SIPA1L1: variants seen among roughly 807,000 people sequenced by gnomAD.
The protein encoded by SIPA1L1 is signal-induced proliferation-associated 1-like protein 1.
In SIPA1L1, 26 loss-of-function variants were observed where a neutral mutation model predicts 162.7. The observed-to-expected ratio is 0.16, with a 90% CI of 0.12 to 0.22. The LOEUF (loss-of-function observed/expected upper bound fraction) is 0.22. SIPA1L1 is among the 10% of genes least tolerant of loss of function. The probability of loss-of-function intolerance (pLI) is 1.00; values close to 1 mark genes in which losing one functional copy is unlikely to be tolerated. For missense variants in SIPA1L1, 1,874 were observed against 2,241.0 expected (o/e 0.84, Z 3.31); for synonymous variants, 829 against 837.4 (o/e 0.99, Z 0.17).
rs780560758 is a variant in SIPA1L1 at position 71,589,315 on chromosome 14, C to T, written c.1443C>T (p.Ile481=). The change falls in exon 5 of 24, where the codon ATC becomes ATT. Residue 481 remains isoleucine (I), a synonymous_variant. Transcript: ENST00000381232. ...ACCTAGATAGAGTGAAAAGATACATCGTGGAACACGTAGATCTGGGTGCAT... is the reference window on the plus strand; with the variant it reads ...ACCTAGATAGAGTGAAAAGATACATTGTGGAACACGTAGATCTGGGTGCAT... ...VLHLDRVKRY[I]VEHVDLGAYY... 5.6e-6 allele frequency: 9 copies of T among 1,613,700 alleles called. No individual in the cohort carries two copies. The highest frequency in any genetic ancestry group is 5.0e-5 in the Admixed American group (3 of 59,976).
chr14:71,735,454 G>T, intron 22 of SIPA1L1, 63 bp downstream of exon 22: 1 of 1,158,014 alleles, frequency 8.6e-7, no homozygotes, highest in Admixed American at 1.7e-5. Context: ...GACTGCATCT[G>T]TGGGGAGAAG....
chr14:71,548,920 G>C (rs889170083), intron 4 of SIPA1L1, among the ~76,000 whole-genome samples: 1 of 150,638 alleles, frequency 6.6e-6, no homozygotes, highest in Non-Finnish European at 1.5e-5. Flanking sequence ...AAATGAAAAG[G>C]CATGCTTATA....
intron 4 of SIPA1L1, among the ~76,000 whole-genome samples, chr14:71,536,461 C>A (rs2053915477): frequency 6.6e-6 from 1 of 152,344 alleles, no homozygotes; most frequent in South Asian, 2.1e-4. Flanking sequence ...GCTTTGTCCT[C>A]TGCCCTCTCT....
At chr14:71,695,954 A>G (rs2081593611) in intron 13 of SIPA1L1, among the ~76,000 whole-genome samples, 2 of 152,300 alleles carry the variant, frequency 1.3e-5, no homozygotes, top group Non-Finnish European at 1.5e-5. Context: ...ATCACCTTAC[A>G]ATTAATTACT....
intron 7 of SIPA1L1, among the ~76,000 whole-genome samples, chr14:71,631,832 A>G (rs2040604200): frequency 6.6e-6 from 1 of 152,216 alleles, no homozygotes; most frequent in Non-Finnish European, 1.5e-5. Flanking sequence ...TGCTCTCAAT[A>G]CGGAATTTTT....
At chr14:71,508,468 T>C (rs141467631) in intron 2 of SIPA1L1, among the ~76,000 whole-genome samples, 355 of 152,268 alleles carry the variant, frequency 2.3e-3, no homozygotes, top group African/African-American at 8.1e-3. Context: ...CTTTTTCTAA[T>C]TTAAAGGAAG....
At chr14:71,548,817 G>C (rs1418049301) in intron 4 of SIPA1L1, among the ~76,000 whole-genome samples, 1 of 142,280 alleles carries the variant, frequency 7.0e-6, no homozygotes, top group Non-Finnish European at 1.5e-5. Flanking sequence ...AGAATCCCTT[G>C]AACCTGAGAG....
At chr14:71,530,331 A>C (rs1475581195) in intron 4 of SIPA1L1, among the ~76,000 whole-genome samples, 1 of 152,010 alleles carries the variant, frequency 6.6e-6, no homozygotes, top group African/African-American at 2.4e-5. Flanking sequence ...TCACTTTCAG[A>C]TTCTACCCCA....
At chr14:71,723,521 C>T (rs530909245) in intron 17 of SIPA1L1, 126 bp from the exon 18 acceptor site, 189 of 1,017,162 alleles carry the variant, frequency 1.9e-4, no homozygotes, top group South Asian at 1.7e-3. Context: ...AGCCAGGCAT[C>T]GCTGTTAATA....
At chr14:71,685,271 C>T in intron 12 of SIPA1L1, 91 bp from the exon 13 acceptor site, 2 of 1,367,598 alleles carry the variant, frequency 1.5e-6, no homozygotes, top group Non-Finnish European at 2.0e-6. Context: ...ATTGTGGATC[C>T]ATTTTTAAGT....
intron 2 of SIPA1L1, among the ~76,000 whole-genome samples, chr14:71,388,459 C>G (rs887423445): frequency 6.6e-6 from 1 of 152,182 alleles, no homozygotes; most frequent in Non-Finnish European, 1.5e-5. Flanking sequence ...CATACTTTAG[C>G]TTTTCTTTTC....
intron 5 of SIPA1L1, among the ~76,000 whole-genome samples, chr14:71,593,996 A>G (rs1314747117): frequency 6.6e-6 from 1 of 152,198 alleles, no homozygotes; most frequent in African/African-American, 2.4e-5. Context: ...ACTAATGCTT[A>G]TGCACCTAAA....
chr14:71,345,601 T>C lies in SIPA1L1; in HGVS notation c.-465+24420T>C, dbSNP rs557470770. ...TTTTTTTTTTTTTTTTGAGATGGAG[T>C]CTCGCTCTGTCGCCCAGGCTGGAGT... On this transcript the variant is annotated intron_variant, in intron 2 of 23. Transcript: ENST00000381232. 4.1e-5 allele frequency among the ~76,000 whole-genome samples: 6 copies of C among 147,978 alleles called. No homozygotes were observed. The East Asian group carries it at 1.2e-3, about 29-fold the overall frequency.
Position 71,723,777 on chromosome 14 carries a change from T to C in SIPA1L1, c.4339T>C (p.Ser1447Pro), listed in dbSNP as rs2083975234. ...PSFSSSSSSS[S>P]GPRSFYPRQG... ...CTTCTCCTCCTCTTCCTCCTCCTCC[T>C]CTGGTCCTAGGAGTTTTTACCCTCG... Residue 1447 changes from serine (S) to proline (P), a missense_variant, in exon 18 of 24, where the codon TCT (serine) becomes CCT (proline). Physicochemically the swap from Ser to Pro is moderately conservative, Grantham distance 74. Transcript: ENST00000381232. The C allele has an allele frequency of 1.9e-6, 3 of 1,614,158 alleles. No homozygotes were observed. Among genetic ancestry groups the C allele is most frequent in the Non-Finnish European group, 2.5e-6 (3 of 1,180,022 alleles).
intron 13 of SIPA1L1, among the ~76,000 whole-genome samples, chr14:71,694,659 C>T (rs910467314): frequency 2.6e-5 from 4 of 152,176 alleles, no homozygotes; most frequent in African/African-American, 9.7e-5. Flanking sequence ...TCCTCTCTGA[C>T]AGTGACCAGA....
At chr14:71,550,717 C>T (rs1358057944) in intron 4 of SIPA1L1, among the ~76,000 whole-genome samples, 1 of 151,972 alleles carries the variant, frequency 6.6e-6, no homozygotes, top group Non-Finnish European at 1.5e-5. Flanking sequence ...CTTGTATTTC[C>T]AATTACTTTT....
intron 2 of SIPA1L1, among the ~76,000 whole-genome samples, chr14:71,386,576 T>C (rs193440): frequency 0.42 from 63,891 of 151,754 alleles, 14,105 homozygotes; most frequent in Admixed American, 0.51. Context: ...ACAGTAAATA[T>C]CTGTAAAATG....
chr14:71,402,747 G>A (rs534200442), intron 2 of SIPA1L1, among the ~76,000 whole-genome samples: 4 of 152,242 alleles, frequency 2.6e-5, no homozygotes, highest in East Asian at 1.9e-4. Context: ...GTGATGTAAA[G>A]AATATGTGCC....
At chr14:71,441,376 A>G (rs911892030) in intron 2 of SIPA1L1, among the ~76,000 whole-genome samples, 2 of 152,232 alleles carry the variant, frequency 1.3e-5, no homozygotes, top group Non-Finnish European at 2.9e-5. Context: ...GAAAAGAGCC[A>G]GCTTCCTAGT....
Sources: gnomAD v4.1 joint callset for allele counts (sites outside exome capture counted in the v4.1 genomes callset) on GRCh38, gnomAD v4.1.1 for gene constraint, MANE v1.5 for transcripts, NCBI Gene and HGNC (gene_info 2026-07-23, HGNC 2026-07-21) for gene names.